The following SMARCA4 variants were observed in gnomAD, a reference collection of about 807,000 sequenced individuals.
SMARCA4 encodes the protein SWI/SNF-related matrix-associated actin-dependent regulator of chromatin subfamily A member 4.
In SMARCA4, 31 loss-of-function variants were observed where a neutral mutation model predicts 193.9. The observed-to-expected ratio is 0.16, with a 90% CI of 0.12 to 0.22. SMARCA4 has a LOEUF of 0.22. SMARCA4 is among the 10% of genes least tolerant of loss of function. The pLI, the probability that SMARCA4 is intolerant of heterozygous loss-of-function variation, is 1.00. For synonymous variants in SMARCA4, 942 were observed against 933.1 expected, an observed-to-expected ratio of 1.01 and a Z score of -0.17; for missense variants, 1,148 against 2,296.0, an observed-to-expected ratio of 0.50 and a Z score of 10.22.
At position 10,984,108 on chromosome 19, in the gene SMARCA4, G is replaced by A. The variant is rs367871945; in HGVS notation, c.-31-13G>A. The A allele has an allele frequency of 9.3e-6, 15 of 1,612,812 alleles. No homozygotes were observed. The highest frequency in any genetic ancestry group is 1.3e-5 in the Non-Finnish European group (15 of 1,179,466). On this transcript the variant is annotated splice_polypyrimidine_tract_variant and intron_variant, in intron 1 of 34. Coordinates refer to ENST00000344626, the MANE Select transcript of SMARCA4 (RefSeq NM_003072.5). The surrounding 1 kb of genome is among the most constrained non-coding windows in gnomAD (Gnocchi z 4.3). Reference sequence around the variant, plus strand: ...TGGTCATGAACCCCAGACTGACCAGGACTGTCTTCCAGCAGGAGGCCACTG... The same window carrying A: ...TGGTCATGAACCCCAGACTGACCAGAACTGTCTTCCAGCAGGAGGCCACTG...
intron 29 of SMARCA4, chr19:11,039,579 G>A (rs776647910): frequency 2.1e-6 from 3 of 1,438,576 alleles, no homozygotes; most frequent in Non-Finnish European, 2.9e-6. Flanking sequence ...GTGGTGGGTG[G>A]CGCTGAGGGC....
chr19:10,999,608 T>C (rs1464597850), intron 11 of SMARCA4, among the ~76,000 whole-genome samples: 1 of 152,014 alleles, frequency 6.6e-6, no homozygotes, highest in Non-Finnish European at 1.5e-5. Context: ...TAGTGAGCTG[T>C]AATCTCACCA....
intron 22 of SMARCA4, chr19:11,025,757 A>G (rs2090208018): frequency 1.2e-5 from 6 of 506,230 alleles, no homozygotes; most frequent in Non-Finnish European, 1.1e-5. Context: ...GAGCGTTTGG[A>G]GACTTCTCTG....
intron 30 of SMARCA4, among the ~76,000 whole-genome samples, chr19:11,042,813 C>A (rs1240307549): frequency 1.3e-5 from 2 of 151,796 alleles, no homozygotes; most frequent in Non-Finnish European, 2.9e-5. Context: ...ATGGTGAAAA[C>A]CCATCTTTAC....
intron 32 of SMARCA4, among the ~76,000 whole-genome samples, 160 bp from the exon 33 acceptor site, chr19:11,059,593 C>T (rs1476886009): frequency 6.6e-6 from 1 of 152,228 alleles, no homozygotes; most frequent in South Asian, 2.1e-4. Context: ...GAGGGCCTTC[C>T]ACCCTGGGTG....
chr19:11,023,098 C>T (rs1413251956), intron 19 of SMARCA4, among the ~76,000 whole-genome samples: 1 of 152,198 alleles, frequency 6.6e-6, no homozygotes, highest in African/African-American at 2.4e-5. Context: ...TGGCAGAGCC[C>T]TCCCTGAGAA....
At chr19:11,024,501 G>A in intron 21 of SMARCA4, 63 bp downstream of exon 21, 3 of 1,029,404 alleles carry the variant, frequency 2.9e-6, no homozygotes, top group Non-Finnish European at 4.6e-6. Context: ...AGCGTGGCAG[G>A]CAGAGCAGAG....
At chr19:11,046,051 G>A (rs1426070235) in intron 30 of SMARCA4, among the ~76,000 whole-genome samples, 3 of 152,098 alleles carry the variant, frequency 2.0e-5, no homozygotes, top group Admixed American at 6.6e-5. Flanking sequence ...GTGAAACCCC[G>A]TCTCTACTAA....
chr19:10,971,461 G>A (rs1568396957), intron 1 of SMARCA4, among the ~76,000 whole-genome samples: 1 of 150,980 alleles, frequency 6.6e-6, no homozygotes, highest in African/African-American at 2.4e-5. Flanking sequence ...TAGATTTATA[G>A]CACTTCCACC....
At chr19:10,994,281 A>G (rs887857744) in intron 8 of SMARCA4, among the ~76,000 whole-genome samples, 1 of 129,112 alleles carries the variant, frequency 7.7e-6, no homozygotes, top group African/African-American at 3.0e-5. Context: ...GACCTCAGGC[A>G]TTTTGTCCTC....
At chr19:11,023,187 G>A (rs1341076200) in intron 19 of SMARCA4, among the ~76,000 whole-genome samples, 1 of 152,172 alleles carries the variant, frequency 6.6e-6, no homozygotes, top group African/African-American at 2.4e-5. Context: ...GTGGGTCTGT[G>A]GACACTCCAG....
Position 11,041,312 on chromosome 19 carries a change from C to T in SMARCA4, c.4176C>T (p.Ile1392=), listed in dbSNP as rs767494921. The T allele has an allele frequency of 2.2e-5, 36 of 1,609,426 alleles. No individual in the cohort carries two copies. Among genetic ancestry groups the T allele is most frequent in the Non-Finnish European group, 2.5e-5 (30 of 1,179,104 alleles). The change falls in exon 30 of 35, where the codon ATC becomes ATT. Residue 1392 remains isoleucine, a synonymous_variant. Transcript: ENST00000344626. This position sits in a 1 kb window ranked among gnomAD's most constrained non-coding sequence, Gnocchi z 5.6. ...SLTEKQWLKA[I]EEGTLEEIEE... Reference sequence around the variant, plus strand: ...TACTACTATTGACCCTGAAGGCCATCGAGGAGGGCACGCTGGAGGAGATCG... The same window carrying T: ...TACTACTATTGACCCTGAAGGCCATTGAGGAGGGCACGCTGGAGGAGATCG...
chr19:11,003,135 AGGC>A lies in SMARCA4; in HGVS notation c.1920_1922del (p.Glu640_Ala641delinsAsp). On this transcript the variant is annotated inframe_deletion, in exon 12 of 35. Coordinates refer to ENST00000344626, the MANE Select transcript of SMARCA4 (RefSeq NM_003072.5). ...GATGCCCCCAAAGCCGGGCAGCTGG[AGGC>A]CTGGCTCGAGATGAACCCGGGGTGA... is the stretch of plus-strand genomic sequence containing the variant. 1 of 1,614,152 alleles carries A rather than the reference AGGC, an allele frequency of 6.2e-7. No individual in the cohort carries two copies. Among genetic ancestry groups the A allele is most frequent in the Non-Finnish European group, 8.5e-7 (1 of 1,180,026 alleles).
In SMARCA4 at chr19:11,030,560, C is replaced by G. The variant is rs140067661; in HGVS notation, c.3383-170C>G. ...GTTTTGTGGTGAAACACTGGAAATCCAGTTATTCGCCAGTGGCCCACAGGC... is the reference window on the plus strand; with the variant it reads ...GTTTTGTGGTGAAACACTGGAAATCGAGTTATTCGCCAGTGGCCCACAGGC... On this transcript the variant is annotated intron_variant, in intron 24 of 34. Transcript: ENST00000344626. This position sits in a 1 kb window ranked among gnomAD's most constrained non-coding sequence, Gnocchi z 5.5. 9.4e-4 allele frequency among the ~76,000 whole-genome samples: 143 copies of G among 152,316 alleles called. 1 individual carries two copies. The highest frequency in any genetic ancestry group is 3.1e-3 in the African/African-American group (129 of 41,570).
At position 11,049,246 on chromosome 19, in the gene SMARCA4, C is replaced by T. The variant is rs537789942; in HGVS notation, c.4424+7686C>T. Among the ~76,000 whole-genome samples, 8 of 152,186 alleles carry T rather than the reference C, an allele frequency of 5.3e-5. No homozygotes were observed. The South Asian group carries it at 1.4e-3, about 28-fold the overall frequency. ...GGCTGCGCCAGCACCAGGGGCCTCA[C>T]AGGGGCCCTGGGCCACACACCTGCC... On this transcript the variant is annotated intron_variant, in intron 30 of 34. Coordinates refer to ENST00000344626, the MANE Select transcript of SMARCA4 (RefSeq NM_003072.5).
intron 30 of SMARCA4, among the ~76,000 whole-genome samples, chr19:11,057,413 C>T (rs978802571): frequency 6.6e-6 from 1 of 152,182 alleles, no homozygotes; most frequent in Non-Finnish European, 1.5e-5. Context: ...AGATCAGTCC[C>T]CAGTGAGGAC....
At chr19:10,993,669 G>A (rs532202447) in intron 8 of SMARCA4, among the ~76,000 whole-genome samples, 16 of 151,242 alleles carry the variant, frequency 1.1e-4, no homozygotes, top group Non-Finnish European at 2.1e-4. Context: ...TTTTTGAGAC[G>A]GAGTCTCGCT....
At position 10,986,505 on chromosome 19, in the gene SMARCA4, G is replaced by A. The variant is rs775288964; in HGVS notation, c.672G>A (p.Ser224=). ...QQQMPTLPPP[S]VSATGPGPGP... ...AGATGCCAACGCTACCTCCACCCTCGGTGTCCGCAACAGGACCCGGCCCTG... is the reference window on the plus strand; with the variant it reads ...AGATGCCAACGCTACCTCCACCCTCAGTGTCCGCAACAGGACCCGGCCCTG... Residue 224 remains serine, a synonymous_variant, in exon 4 of 35, where the codon TCG becomes TCA. Coordinates refer to ENST00000344626, the MANE Select transcript of SMARCA4 (RefSeq NM_003072.5). The surrounding 1 kb of genome is among the most constrained non-coding windows in gnomAD (Gnocchi z 6.7). 3.4e-5 allele frequency: 53 copies of A among 1,546,330 alleles called. No individual in the cohort carries two copies. In the South Asian group the frequency reaches 4.0e-4, roughly 12 times the overall value.
rs868655564 is a variant in SMARCA4 at position 10,987,421 on chromosome 19, A to C, written c.860-245A>C. 2.0e-5 allele frequency among the ~76,000 whole-genome samples: 3 copies of C among 152,172 alleles called. No homozygotes were observed. Among genetic ancestry groups the C allele is most frequent in the Non-Finnish European group, 4.4e-5 (3 of 68,030 alleles). On this transcript the variant is annotated intron_variant, in intron 5 of 34. Coordinates refer to ENST00000344626, the MANE Select transcript of SMARCA4 (RefSeq NM_003072.5). This position sits in a 1 kb window ranked among gnomAD's most constrained non-coding sequence, Gnocchi z 5.3. ...GAAATGCTGCCATAGAGCCACAGAC[A>C]GAACAAAAAGGCCTTGGGAGCCTGG...
Sources: gnomAD v4.1 joint callset for allele counts (sites outside exome capture counted in the v4.1 genomes callset) on GRCh38, gnomAD v4.1.1 for gene constraint, Gnocchi (gnomAD v3.1) non-coding constraint, MANE v1.5 for transcripts, NCBI Gene and HGNC (gene_info 2026-07-23, HGNC 2026-07-21) for gene names.